Variants in VSTM5 observed in about 807,000 individuals in gnomAD.
The protein encoded by VSTM5 is V-set and transmembrane domain containing 5.
A neutral mutation model predicts 20.3 loss-of-function variants in VSTM5; 21 were observed. The observed-to-expected ratio is 1.03, with a 90% CI of 0.73 to 1.49. The LOEUF (loss-of-function observed/expected upper bound fraction) is 1.49, where lower values mean the gene tolerates loss of function less well. VSTM5 is among the 40% of genes most tolerant of loss of function. The probability of loss-of-function intolerance (pLI) is 0.00; values close to 1 mark genes in which losing one functional copy is unlikely to be tolerated. For missense variants in VSTM5, 219 were observed against 250.0 expected (o/e 0.88, Z 0.84); for synonymous variants, 100 against 102.5 (o/e 0.98, Z 0.14).
Position 93,844,972 on chromosome 11 carries a change from T to C in VSTM5, c.91+5440A>G, listed in dbSNP as rs780922459. 5.2e-4 allele frequency among the ~76,000 whole-genome samples: 36 copies of C among 69,472 alleles called. 10 individuals are homozygous for C. Among genetic ancestry groups the C allele is most frequent in the Non-Finnish European group, 9.6e-4 (31 of 32,286 alleles). The allele number at this position is 69,472 out of a possible 152,430, so 45.6% of individuals were successfully genotyped here. A position where few individuals can be genotyped will look rare whatever the true frequency, so the allele number is the denominator to read the frequency against. On this transcript the variant is annotated intron_variant, in intron 1 of 3. Coordinates refer to ENST00000409977, the MANE Select transcript of VSTM5 (RefSeq NM_001144871.2). ...GCCTTGTGGGAAAGTATTTTCAGGCTTGTCAGGATAAAACCACAAAGACAC... is the reference window on the plus strand; with the variant it reads ...GCCTTGTGGGAAAGTATTTTCAGGCCTGTCAGGATAAAACCACAAAGACAC...
intron 1 of VSTM5, among the ~76,000 whole-genome samples, chr11:93,843,179 C>T (rs1194743158): frequency 1.3e-5 from 2 of 152,092 alleles, no homozygotes; most frequent in South Asian, 2.1e-4. Context: ...AGGCCAATTC[C>T]TCTTTATCCT....
At chr11:93,822,979 T>A (rs1944202484) in intron 1 of VSTM5, among the ~76,000 whole-genome samples, 1 of 152,174 alleles carries the variant, frequency 6.6e-6, no homozygotes, top group Admixed American at 6.5e-5. Flanking sequence ...GTGGTCAAGG[T>A]TACTAACAGG....
intron 1 of VSTM5, 134 bp downstream of exon 1, chr11:93,850,278 C>A (rs1944448103): frequency 1.5e-6 from 1 of 660,780 alleles, no homozygotes; most frequent in African/African-American, 1.9e-5. Flanking sequence ...GCCTGCCAGC[C>A]GAGCTCACCG....
At chr11:93,820,925 T>C (rs1944177280) in intron 2 of VSTM5, 42 bp from the exon 3 acceptor site, 1 of 1,550,882 alleles carries the variant, frequency 6.4e-7, no homozygotes, top group Non-Finnish European at 8.7e-7. Flanking sequence ...CAACATTTCT[T>C]TTAATATCGT....
At chr11:93,838,484 A>G (rs1354815057) in intron 1 of VSTM5, among the ~76,000 whole-genome samples, 1 of 151,254 alleles carries the variant, frequency 6.6e-6, no homozygotes, top group Non-Finnish European at 1.5e-5. Flanking sequence ...AAAAACCCAC[A>G]AAAAACAAAA....
chr11:93,847,220 GC>G (rs1373848215), intron 1 of VSTM5, among the ~76,000 whole-genome samples: 1 of 152,164 alleles, frequency 6.6e-6, no homozygotes, highest in Non-Finnish European at 1.5e-5. Context: ...TCAGTGCACG[GC>G]CCACGGCAAC....
intron 1 of VSTM5, among the ~76,000 whole-genome samples, chr11:93,844,340 C>T (rs2135739886): frequency 6.6e-6 from 1 of 152,246 alleles, no homozygotes; most frequent in African/African-American, 2.4e-5. Context: ...TGTATGAGTA[C>T]AGAAGGGCAA....
At chr11:93,828,409 A>G (rs1258251340) in intron 1 of VSTM5, among the ~76,000 whole-genome samples, 3 of 152,238 alleles carry the variant, frequency 2.0e-5, no homozygotes, top group African/African-American at 7.2e-5. Flanking sequence ...CTAGAATATA[A>G]CACTCAGAAG....
At chr11:93,831,108 A>G (rs1403491881) in intron 1 of VSTM5, among the ~76,000 whole-genome samples, 1 of 151,820 alleles carries the variant, frequency 6.6e-6, no homozygotes, top group Non-Finnish European at 1.5e-5. Flanking sequence ...TGCCCAGGCT[A>G]GAGTACAGTG....
In VSTM5 at chr11:93,841,895, A is replaced by G. The variant is rs933301419; in HGVS notation, c.91+8517T>C. On this transcript the variant is annotated intron_variant, in intron 1 of 3. Transcript: ENST00000409977. Reference sequence around the variant, plus strand: ...TGAACGGAATTGAGGCAGTGTGTGTAGAACAGATGCATTCATGGATTCTAG... The same window carrying G: ...TGAACGGAATTGAGGCAGTGTGTGTGGAACAGATGCATTCATGGATTCTAG... 1.2e-4 allele frequency among the ~76,000 whole-genome samples: 18 copies of G among 152,338 alleles called. No homozygotes were observed. The East Asian group carries it at 3.3e-3, about 28-fold the overall frequency.
chr11:93,821,879 A>G (rs1944189770), intron 1 of VSTM5: 1 of 152,918 alleles, frequency 6.5e-6, no homozygotes, highest in Non-Finnish European at 1.5e-5. Flanking sequence ...TTGGTCAATA[A>G]ATGTTTGCTG....
chr11:93,822,089 A>G (rs191799062), intron 1 of VSTM5: 7 of 152,072 alleles, frequency 4.6e-5, no homozygotes, highest in Admixed American at 3.9e-4. Flanking sequence ...CTTTTATTTT[A>G]TTTATTTTTT....
chr11:93,839,482 T>A (rs554347195), intron 1 of VSTM5, among the ~76,000 whole-genome samples: 6 of 152,368 alleles, frequency 3.9e-5, no homozygotes, highest in Admixed American at 3.9e-4. Flanking sequence ...TCCCTGAATC[T>A]GTTTTCTTCA....
chr11:93,836,376 A>G (rs902646578), intron 1 of VSTM5, among the ~76,000 whole-genome samples: 2 of 152,182 alleles, frequency 1.3e-5, no homozygotes, highest in African/African-American at 4.8e-5. Context: ...ATGAAGTCAA[A>G]CCCCTTCAAA....
At chr11:93,847,718 C>T (rs1034865531) in intron 1 of VSTM5, among the ~76,000 whole-genome samples, 1 of 152,208 alleles carries the variant, frequency 6.6e-6, no homozygotes, top group Non-Finnish European at 1.5e-5. Context: ...TAGAAAGGTG[C>T]CTGGTCTGGT....
At chr11:93,821,450 G>C (rs1944185457) in intron 1 of VSTM5, 127 bp from the exon 2 acceptor site, 1 of 921,802 alleles carries the variant, frequency 1.1e-6, no homozygotes, top group Middle Eastern at 2.6e-4. Flanking sequence ...AACTGTTCTA[G>C]GTTCTGGTGC....
At chr11:93,830,716 C>T (rs1275192635) in intron 1 of VSTM5, among the ~76,000 whole-genome samples, 1 of 151,514 alleles carries the variant, frequency 6.6e-6, no homozygotes, top group Admixed American at 6.6e-5. Flanking sequence ...GAGAGTCAAA[C>T]AGCTAGCAGG....
At chr11:93,844,151 G>A (rs964156950) in intron 1 of VSTM5, among the ~76,000 whole-genome samples, 1 of 152,232 alleles carries the variant, frequency 6.6e-6, no homozygotes, top group Admixed American at 6.5e-5. Context: ...CTGTGGAATT[G>A]AATTGACCTG....
chr11:93,849,098 C>T (rs1010393653), intron 1 of VSTM5, among the ~76,000 whole-genome samples: 1 of 152,120 alleles, frequency 6.6e-6, no homozygotes, highest in East Asian at 1.9e-4. Flanking sequence ...ATCGTTCAGT[C>T]ACCTTGTATA....
Sources: allele counts gnomAD v4.1 joint callset (sites outside exome capture counted in the v4.1 genomes callset), GRCh38; gene constraint gnomAD v4.1.1; transcripts MANE v1.5; gene names NCBI Gene and HGNC (gene_info 2026-07-23, HGNC 2026-07-21).